The following MAP3K13 variants were observed in gnomAD, a reference collection of about 807,000 sequenced individuals.
The protein encoded by MAP3K13 is leucine zipper-bearing kinase.
MAP3K13 carries 52 observed loss-of-function variants against 104.0 expected under a neutral mutation model. The observed-to-expected ratio is 0.50, with a 90% confidence interval of 0.40 to 0.63. The LOEUF is 0.63. Among genes scored for constraint, MAP3K13 ranks in the 20% least tolerant of loss-of-function variants. The probability of loss-of-function intolerance (pLI) is 0.00; values close to 1 mark genes in which losing one functional copy is unlikely to be tolerated. For missense variants in MAP3K13, 914 were observed against 1,218.5 expected, an observed-to-expected ratio of 0.75 and a Z score of 3.72; for synonymous variants, 394 against 442.2, an observed-to-expected ratio of 0.89 and a Z score of 1.37.
chr3:185,468,698 T>C (rs1717602286), intron 10 of MAP3K13, among the ~76,000 whole-genome samples: 1 of 152,214 alleles, frequency 6.6e-6, no homozygotes, highest in Non-Finnish European at 1.5e-5. Flanking sequence ...TTCTAACGAG[T>C]AACTACACGG....
chr3:185,331,681 G>T (rs905742053), intron 2 of MAP3K13, among the ~76,000 whole-genome samples: 3 of 152,010 alleles, frequency 2.0e-5, no homozygotes, highest in Non-Finnish European at 4.4e-5. Context: ...GGAATTTTTT[G>T]AATAGATGAT....
chr3:185,405,418 T>C (rs897753658), intron 1 of MAP3K13, among the ~76,000 whole-genome samples: 21 of 152,226 alleles, frequency 1.4e-4, no homozygotes, highest in African/African-American at 5.1e-4. Context: ...CAAAACCTTT[T>C]ATGATGTGGC....
chr3:185,428,707 G>A lies in MAP3K13; in HGVS notation c.126G>A (p.Leu42=). The A allele has an allele frequency of 6.2e-7, 1 of 1,614,188 alleles. No individual in the cohort carries two copies. Among genetic ancestry groups the A allele is most frequent in the Non-Finnish European group, 8.5e-7 (1 of 1,180,028 alleles). ...TGGGGAACCACCCTTCTCCCAAGCT[G>A]CTCGAGGACCAGCAGGAAAAGGGGA... The part of the protein sequence containing the change: ...TAMGNHPSPK[L]LEDQQEKGMV... The change falls in exon 2 of 14, where the codon CTG becomes CTA. Residue 42 remains leucine (L), a synonymous_variant. Coordinates refer to ENST00000265026, the MANE Select transcript of MAP3K13 (RefSeq NM_004721.5).
In MAP3K13 at chr3:185,465,878, T is replaced by C. The variant is rs114102742; in HGVS notation, c.1505+15T>C. On this transcript the variant is annotated intron_variant, in intron 9 of 13. Transcript: ENST00000265026. ...GAGCTCATTAAGTATGTATCCAGAC[T>C]AGTGTCTGTTCTTACTGATTTGAGT... 1,072 of 1,549,084 alleles carry C rather than the reference T, an allele frequency of 6.9e-4. 11 individuals are homozygous for C. In the African/African-American group the frequency reaches 0.013, roughly 19 times the overall value.
chr3:185,304,211 T>G (rs1721201317), intron 2 of MAP3K13, among the ~76,000 whole-genome samples: 1 of 152,240 alleles, frequency 6.6e-6, no homozygotes, highest in Non-Finnish European at 1.5e-5. Flanking sequence ...CTTAAATTTG[T>G]TAAGACTTGT....
chr3:185,336,541 CAA>C (rs1357841912), intron 2 of MAP3K13, among the ~76,000 whole-genome samples: 23 of 77,846 alleles, frequency 3.0e-4, no homozygotes, highest in Admixed American at 5.5e-4. Context: ...GACTCTGTCT[CAA>C]AAAAAAAAAA....
intron 7 of MAP3K13, among the ~76,000 whole-genome samples, chr3:185,455,147 GTGAGATATATATGATATATA>G (rs776883341): frequency 0.2 from 15,982 of 79,466 alleles, 1,389 homozygotes; most frequent in Non-Finnish European, 0.24. Context: ...TGATATATAT[GTGAGATATATATGATATATA>G]TGAGATATAT....
chr3:185,466,173 T>C (rs1717411331), intron 9 of MAP3K13, among the ~76,000 whole-genome samples: 1 of 152,174 alleles, frequency 6.6e-6, no homozygotes, highest in South Asian at 2.1e-4. Flanking sequence ...GGAAATGTAT[T>C]GGCTGCTGAA....
upstream of MAP3K13, among the ~76,000 whole-genome samples, chr3:185,360,704 A>C (rs1723567986): frequency 1.3e-5 from 2 of 152,014 alleles, no homozygotes; most frequent in East Asian, 3.8e-4. Context: ...TATTAGAAGC[A>C]TTTATAGACC....
At chr3:185,373,712 A>G (rs981818263) in intron 1 of MAP3K13, among the ~76,000 whole-genome samples, 2 of 152,088 alleles carry the variant, frequency 1.3e-5, no homozygotes, top group Non-Finnish European at 2.9e-5. Context: ...TAACAAGAGA[A>G]CAAAACTTTT....
chr3:185,416,200 G>T (rs572236820), intron 1 of MAP3K13, among the ~76,000 whole-genome samples: 1 of 151,916 alleles, frequency 6.6e-6, no homozygotes, highest in Non-Finnish European at 1.5e-5. Flanking sequence ...ATATCAACCC[G>T]TTCCCCTCTT....
At position 185,315,317 on chromosome 3, in the gene MAP3K13, C is replaced by G. The variant is rs1721638310; in HGVS notation, c.-86+29674C>G. Among the ~76,000 whole-genome samples, 1 of 152,090 alleles carries G rather than the reference C, an allele frequency of 6.6e-6. No homozygotes were observed. The highest frequency in any genetic ancestry group is 2.4e-5 in the African/African-American group (1 of 41,416). On this transcript the variant is annotated intron_variant, in intron 2 of 14. Transcript: ENST00000424227. This position sits in a 1 kb window ranked among gnomAD's most constrained non-coding sequence, Gnocchi z 4.3. Reference sequence around the variant, plus strand: ...ATGGTCCTCAAACTTTAGTATGCATCAGAACCACCCTAGAGGAGTAACTTA... The same window carrying G: ...ATGGTCCTCAAACTTTAGTATGCATGAGAACCACCCTAGAGGAGTAACTTA...
chr3:185,427,731 G>T (rs192991893), intron 1 of MAP3K13, among the ~76,000 whole-genome samples: 1 of 152,192 alleles, frequency 6.6e-6, no homozygotes, highest in South Asian at 2.1e-4. Flanking sequence ...TACTAAAGAT[G>T]TGTATATCAG....
rs1277650295 is a variant in MAP3K13, at chr3:185,418,177, C to T, written c.-85-10320C>T. The T allele has an allele frequency of 3.7e-6, 6 of 1,610,510 alleles. No homozygotes were observed. The Admixed American group carries it at 5.0e-5, about 13-fold the overall frequency. On this transcript the variant is annotated intron_variant, in intron 1 of 13. Coordinates refer to ENST00000265026, the MANE Select transcript of MAP3K13 (RefSeq NM_004721.5). This position sits in a 1 kb window ranked among gnomAD's most constrained non-coding sequence, Gnocchi z 4.5. The stretch of plus-strand genomic sequence containing the variant: ...GATGCACAGGCCCCTGCGCTGGATA[C>T]GGCGACGGTTTCTCATTTTGCCTTT...
In MAP3K13 at chr3:185,486,962, C is replaced by T. The variant is rs541971022; in HGVS notation, c.*4506C>T. The stretch of plus-strand genomic sequence containing the variant: ...CTCTATTGTAAACTGGCGTCTTCAT[C>T]TAGCTACTTGAAGTTGAGATACTAT... On this transcript the variant is annotated 3_prime_UTR_variant, in exon 14 of 14. Coordinates refer to ENST00000265026, the MANE Select transcript of MAP3K13 (RefSeq NM_004721.5). 1.3e-5 allele frequency: 2 copies of T among 152,296 alleles called. No individual in the cohort carries two copies. Among genetic ancestry groups the T allele is most frequent in the Non-Finnish European group, 2.9e-5 (2 of 68,024 alleles). The allele number at this position is 152,296 out of a possible 1,614,324, so 9.4% of individuals were successfully genotyped here.
At chr3:185,357,109 T>TTCTC (rs1389899870) in intron 2 of MAP3K13, among the ~76,000 whole-genome samples, 1 of 150,780 alleles carries the variant, frequency 6.6e-6, no homozygotes, top group Non-Finnish European at 1.5e-5. Context: ...TTTTTTTTTT[T>TTCTC]TCTCTCTCTC....
rs1384687598 is a variant in MAP3K13, at chr3:185,484,778, GTTATT to G, written c.*2332_*2336del. 2.6e-5 allele frequency: 4 copies of G among 152,202 alleles called. No homozygotes were observed. Among genetic ancestry groups the G allele is most frequent in the African/African-American group, 7.2e-5 (3 of 41,526 alleles). The allele number at this position is 152,202 out of a possible 1,614,324, so 9.4% of individuals were successfully genotyped here. A position where few individuals can be genotyped will look rare whatever the true frequency, so the allele number is the denominator to read the frequency against. On this transcript the variant is annotated 3_prime_UTR_variant, in exon 14 of 14. Transcript: ENST00000265026. Reference sequence around the variant, plus strand: ...CTTAAGTTATGGCATTATTATCATTGTTATTTTATTTTATAATATTATCATTCTCA... The same window carrying G: ...CTTAAGTTATGGCATTATTATCATTGTTATTTTATAATATTATCATTCTCA...
At chr3:185,363,516 C>T in intron 1 of MAP3K13, 148 bp downstream of exon 1, 1 of 294,290 alleles carries the variant, frequency 3.4e-6, no homozygotes, top group Non-Finnish European at 5.0e-6. Context: ...GAGAGAAACC[C>T]GAAACCCCGT....
chr3:185,345,432 A>G (rs373347549), intron 2 of MAP3K13, among the ~76,000 whole-genome samples: 7 of 152,174 alleles, frequency 4.6e-5, no homozygotes, highest in African/African-American at 1.4e-4. Flanking sequence ...TCTGTGGCCT[A>G]TTAGGAACTG....
Sources: allele counts gnomAD v4.1 joint callset (sites outside exome capture counted in the v4.1 genomes callset), GRCh38; gene constraint gnomAD v4.1.1; non-coding constraint Gnocchi (gnomAD v3.1); transcripts MANE v1.5; gene names NCBI Gene and HGNC (gene_info 2026-07-23, HGNC 2026-07-21).